The following COL4A2 variants were observed in gnomAD, a reference collection of about 807,000 sequenced individuals.
COL4A2 encodes collagen alpha-2(IV) chain.
COL4A2 carries 99 observed loss-of-function variants against 200.2 expected under a neutral mutation model. The ratio of observed to expected loss-of-function variants is 0.49; its 90% CI spans 0.42 to 0.58. The LOEUF (loss-of-function observed/expected upper bound fraction) is 0.58. COL4A2 is among the 20% of genes least tolerant of loss of function. COL4A2 has a pLI of 0.00. For missense variants in COL4A2, 1,950 were observed against 2,314.1 expected (o/e 0.84, Z 3.23); for synonymous variants, 897 against 900.6 (o/e 1.00, Z 0.07).
chr13:110,485,044 G>T lies in COL4A2; in HGVS notation c.3025+17G>T. On this transcript the variant is annotated intron_variant, in intron 33 of 47. Transcript: ENST00000360467. Reference sequence around the variant, plus strand: ...GCGCAAAAGGTGAGGCTTCTGACCTGCAGCCAGGGGCCCCTAGTCCCTGCC... The same window carrying T: ...GCGCAAAAGGTGAGGCTTCTGACCTTCAGCCAGGGGCCCCTAGTCCCTGCC... The T allele has an allele frequency of 6.4e-7, 1 of 1,564,810 alleles. No homozygotes were observed. The highest frequency in any genetic ancestry group is 8.7e-7 in the Non-Finnish European group (1 of 1,148,952).
intron 33 of COL4A2, 147 bp from the exon 34 acceptor site, chr13:110,485,508 G>C: frequency 1.7e-6 from 1 of 605,762 alleles, no homozygotes; most frequent in Non-Finnish European, 2.7e-6. Context: ...GGGCGACAGA[G>C]CGAGACTCCG....
intron 47 of COL4A2, among the ~76,000 whole-genome samples, chr13:110,509,264 T>TACAC (rs1237663441): frequency 1.7e-5 from 2 of 119,138 alleles, no homozygotes; most frequent in Non-Finnish European, 1.6e-5. Context: ...TATATATATA[T>TACAC]ATATATACAC....
At chr13:110,357,647 C>A in intron 4 of COL4A2, 95 bp downstream of exon 4, 1 of 1,506,954 alleles carries the variant, frequency 6.6e-7, no homozygotes, top group Non-Finnish European at 9.0e-7. Flanking sequence ...TGTGGCTGGG[C>A]AGTTTCATCA....
At chr13:110,388,449 G>A (rs994711917) in intron 4 of COL4A2, among the ~76,000 whole-genome samples, 6 of 152,184 alleles carry the variant, frequency 3.9e-5, no homozygotes, top group Admixed American at 6.5e-5. Flanking sequence ...CTCGTTGAAC[G>A]AAAAAGAGAA....
At chr13:110,438,258 C>T (rs1880974433) in intron 14 of COL4A2, among the ~76,000 whole-genome samples, 1 of 152,276 alleles carries the variant, frequency 6.6e-6, no homozygotes, top group Non-Finnish European at 1.5e-5. Context: ...GGCTAATCAT[C>T]TTCTGAGGTT....
At chr13:110,431,233 T>C (rs922450255) in intron 10 of COL4A2, among the ~76,000 whole-genome samples, 3 of 152,106 alleles carry the variant, frequency 2.0e-5, no homozygotes, top group African/African-American at 7.2e-5. Flanking sequence ...GGCCTTAACT[T>C]ACACAAGGAG....
At chr13:110,383,606 C>CTTT (rs67906394) in intron 4 of COL4A2, among the ~76,000 whole-genome samples, 29 of 65,348 alleles carry the variant, frequency 4.4e-4, no homozygotes, top group East Asian at 1.0e-3. Flanking sequence ...CAGCCCTTTT[C>CTTT]TTTTTTTTTT....
chr13:110,336,327 C>T (rs1876187072), intron 3 of COL4A2, among the ~76,000 whole-genome samples: 1 of 152,114 alleles, frequency 6.6e-6, no homozygotes, highest in Non-Finnish European at 1.5e-5. Context: ...TATAATGGTG[C>T]TATTCATGAA....
chr13:110,503,083 CT>C (rs1232016800), intron 41 of COL4A2, 37 bp from the exon 42 acceptor site: 2 of 1,597,704 alleles, frequency 1.3e-6, no homozygotes, highest in African/African-American at 1.4e-5. Flanking sequence ...CCTTGGGGCC[CT>C]GTTTAAACCC....
intron 4 of COL4A2, among the ~76,000 whole-genome samples, chr13:110,364,571 T>A (rs1877661415): frequency 6.6e-6 from 1 of 152,238 alleles, no homozygotes. Flanking sequence ...TAAATCTCGC[T>A]GGAAAGAAAG....
At chr13:110,511,533 T>C (rs1884080627) in intron 47 of COL4A2, among the ~76,000 whole-genome samples, 1 of 152,190 alleles carries the variant, frequency 6.6e-6, no homozygotes, top group Non-Finnish European at 1.5e-5. Flanking sequence ...CTAAAAAGAG[T>C]AAACATTGTG....
rs202208839 is a variant in COL4A2, at chr13:110,467,037, C to T, written c.2039-3C>T. The T allele has an allele frequency of 2.1e-4, 338 of 1,614,040 alleles. 2 individuals are homozygous for T. The East Asian group carries it at 6.1e-3, about 29-fold the overall frequency. On this transcript the variant is annotated splice_polypyrimidine_tract_variant and splice_region_variant and intron_variant, in intron 26 of 47. Coordinates refer to ENST00000360467, the MANE Select transcript of COL4A2 (RefSeq NM_001846.4). ...GCTCATCTTTTCTCCTTTCTGTCCC[C>T]AGGTTGCATAGGAGGGCCCAAGGGA...
chr13:110,496,088 G>A lies in COL4A2; in HGVS notation c.3760+621G>A, dbSNP rs1031833708. ...CGCCCACCTCACCAGCCTGACCAGGGGCATCTCCTGGCTCAGGTACGGGAG... is the reference window on the plus strand; with the variant it reads ...CGCCCACCTCACCAGCCTGACCAGGAGCATCTCCTGGCTCAGGTACGGGAG... On this transcript the variant is annotated intron_variant, in intron 40 of 47. Transcript: ENST00000360467. 2.4e-4 allele frequency among the ~76,000 whole-genome samples: 36 copies of A among 152,192 alleles called. 1 individual carries two copies. Among genetic ancestry groups the A allele is most frequent in the Non-Finnish European group, 4.7e-4 (32 of 68,034 alleles).
At chr13:110,493,072 CACCCCCATGGGTGAAATAACGAT>C in intron 38 of COL4A2, 116 bp from the exon 39 acceptor site, 19 of 855,318 alleles carry the variant, frequency 2.2e-5, no homozygotes, top group South Asian at 7.0e-5. Flanking sequence ...CGATGAGTGA[CACCCCCATGGGTGAAATAACGAT>C]GAGTGACACC....
intron 21 of COL4A2, 76 bp downstream of exon 21, chr13:110,457,511 C>T (rs1881813319): frequency 3.4e-6 from 3 of 882,290 alleles, no homozygotes; most frequent in African/African-American, 1.7e-5. Flanking sequence ...AGGTGAAATC[C>T]ATCCCCCACT....
intron 3 of COL4A2, among the ~76,000 whole-genome samples, chr13:110,355,384 T>TGTG (rs1402366709): frequency 5.9e-4 from 38 of 64,868 alleles, no homozygotes; most frequent in Non-Finnish European, 8.0e-4. Context: ...CTCACCTGTG[T>TGTG]GGGGGGAGGG....
intron 40 of COL4A2, among the ~76,000 whole-genome samples, chr13:110,498,254 C>G (rs1050940371): frequency 6.6e-6 from 1 of 152,238 alleles, no homozygotes; most frequent in African/African-American, 2.4e-5. Context: ...CTCTTGCACA[C>G]AGGAGGCCAG....
intron 4 of COL4A2, among the ~76,000 whole-genome samples, chr13:110,364,672 T>G (rs1350608010): frequency 6.6e-6 from 1 of 152,198 alleles, no homozygotes; most frequent in Non-Finnish European, 1.5e-5. Flanking sequence ...GGTCTTACTT[T>G]CATGAAACCC....
chr13:110,488,640 G>C (rs551736388), intron 34 of COL4A2, among the ~76,000 whole-genome samples: 2 of 152,192 alleles, frequency 1.3e-5, no homozygotes, highest in African/African-American at 4.8e-5. Flanking sequence ...CTGAAATCCC[G>C]GTTCTGCCAC....
Sources: allele counts gnomAD v4.1 joint callset (sites outside exome capture counted in the v4.1 genomes callset), GRCh38; gene constraint gnomAD v4.1.1; transcripts MANE v1.5; gene names NCBI Gene and HGNC (gene_info 2026-07-23, HGNC 2026-07-21).